The following RIN2 variants were observed in gnomAD, a reference collection of about 807,000 sequenced individuals.
RIN2 encodes Ras and Rab interactor 2, also known as RAB5 interacting protein 2.
In RIN2, 36 loss-of-function variants were observed where a neutral mutation model predicts 78.0. That is an observed-to-expected ratio of 0.46 (90% CI 0.35 to 0.61). The LOEUF is 0.61. Among genes scored for constraint, RIN2 ranks in the 20% least tolerant of loss-of-function variants. RIN2 has a pLI of 0.00. For missense variants in RIN2, 1,087 were observed against 1,159.7 expected (o/e 0.94, Z 0.91); for synonymous variants, 466 against 466.8 (o/e 1.00, Z 0.02).
At position 19,827,660 on chromosome 20, in the gene RIN2, G is replaced by A. The variant is rs118012647; in HGVS notation, c.-37+27913G>A. 9.0e-3 allele frequency among the ~76,000 whole-genome samples: 1,366 copies of A among 152,236 alleles called. 12 individuals carry two copies. The highest frequency in any genetic ancestry group is 0.048 in the Middle Eastern group (14 of 294). On this transcript the variant is annotated intron_variant, in intron 2 of 12. Coordinates refer to ENST00000255006, the MANE Select transcript of RIN2 (RefSeq NM_018993.4). ...AAATGCCTATAGAAGATCCAGGTACGCCCTTATGACCGCCAAATTGACTTC... is the reference window on the plus strand; with the variant it reads ...AAATGCCTATAGAAGATCCAGGTACACCCTTATGACCGCCAAATTGACTTC...
chr20:19,881,642 T>A (rs1206295686), intron 2 of RIN2, among the ~76,000 whole-genome samples: 3 of 152,122 alleles, frequency 2.0e-5, no homozygotes, highest in Non-Finnish European at 4.4e-5. Flanking sequence ...AGTGCTGCAA[T>A]CAGAGCTCAC....
chr20:19,789,579 G>A (rs1568753798), intron 1 of RIN2, among the ~76,000 whole-genome samples: 1 of 151,994 alleles, frequency 6.6e-6, no homozygotes, highest in Non-Finnish European at 1.5e-5. Flanking sequence ...TGGTATCTTG[G>A]GCATTTTACC....
intron 2 of RIN2, among the ~76,000 whole-genome samples, chr20:19,877,178 A>T (rs950633971): frequency 2.6e-5 from 4 of 152,106 alleles, no homozygotes; most frequent in African/African-American, 9.7e-5. Flanking sequence ...AAAGAGAGGG[A>T]TGCCTTGTTT....
At chr20:19,964,756 G>A (rs933593215) in intron 6 of RIN2, among the ~76,000 whole-genome samples, 196 bp from the exon 7 acceptor site, 2 of 152,194 alleles carry the variant, frequency 1.3e-5, no homozygotes, top group Admixed American at 6.5e-5. Context: ...TGAGTCAAGC[G>A]ATGAACTTCC....
intron 1 of RIN2, among the ~76,000 whole-genome samples, chr20:19,773,724 G>T (rs2034215415): frequency 6.6e-6 from 1 of 151,992 alleles, no homozygotes; most frequent in Non-Finnish European, 1.5e-5. Context: ...TTAATGAACG[G>T]CAGCTTCTCC....
chr20:19,786,926 C>G (rs999076700), intron 1 of RIN2, among the ~76,000 whole-genome samples: 1 of 152,106 alleles, frequency 6.6e-6, no homozygotes, highest in Non-Finnish European at 1.5e-5. Flanking sequence ...CTTTATGTAT[C>G]TATTGCTTTT....
rs781247819 is a variant in RIN2 at position 19,889,645 on chromosome 20, G to A, written c.44G>A (p.Gly15Glu). The A allele has an allele frequency of 5.3e-6, 8 of 1,522,190 alleles. No homozygotes were observed. In the African/African-American group the frequency reaches 1.1e-4, roughly 21 times the overall value. The allele number at this position is 1,522,190 out of a possible 1,614,324, so 94.3% of individuals were successfully genotyped here. A position where few individuals can be genotyped will look rare whatever the true frequency, so the allele number is the denominator to read the frequency against. The change falls in exon 3 of 13, where the codon GGA becomes GAA. Residue 15 changes from glycine to glutamate, a missense_variant. Coordinates refer to ENST00000255006, the MANE Select transcript of RIN2 (RefSeq NM_018993.4). ...TMGARGLDKR[G>E]SFFKLIDTIA... Reference sequence around the variant, plus strand: ...GGCGCCCGCGGTCTGGACAAGCGAGGAAGTTTCTTTAAGGTAAAAGGAAGC... The same window carrying A: ...GGCGCCCGCGGTCTGGACAAGCGAGAAAGTTTCTTTAAGGTAAAAGGAAGC...
At chr20:19,774,680 G>A (rs193121552) in intron 1 of RIN2, among the ~76,000 whole-genome samples, 1 of 152,324 alleles carries the variant, frequency 6.6e-6, no homozygotes, top group Admixed American at 6.5e-5. Flanking sequence ...CAGGGTACCC[G>A]CTTTGTACTT....
intron 2 of RIN2, among the ~76,000 whole-genome samples, chr20:19,839,817 CATTTGAAA>C (rs2036530355): frequency 6.6e-6 from 1 of 152,152 alleles, no homozygotes; most frequent in Non-Finnish European, 1.5e-5. Flanking sequence ...TCCAATGGGA[CATTTGAAA>C]TGTACAGTAC....
At position 19,857,916 on chromosome 20, in the gene RIN2, G is replaced by A. The variant is rs576742714; in HGVS notation, c.-36-31650G>A. ...AGGTTTGAATATTCTCTGTAGTGAA[G>A]GCTCCATTTAAGCCTTTTGTTCTTT... is the stretch of plus-strand genomic sequence containing the variant. On this transcript the variant is annotated intron_variant, in intron 2 of 12. Coordinates refer to ENST00000255006, the MANE Select transcript of RIN2 (RefSeq NM_018993.4). Among the ~76,000 whole-genome samples the A allele has an allele frequency of 5.9e-5, 9 of 152,262 alleles. No individual in the cohort carries two copies. In the East Asian group the frequency reaches 1.7e-3, roughly 29 times the overall value.
At chr20:19,784,413 G>C (rs2034607523) in intron 1 of RIN2, among the ~76,000 whole-genome samples, 1 of 149,354 alleles carries the variant, frequency 6.7e-6, no homozygotes, top group Non-Finnish European at 1.5e-5. Flanking sequence ...ACTAAGAAAT[G>C]CTTGTATTGT....
chr20:19,763,531 GTGAATGAATGAA>G (rs11468974), intron 1 of RIN2, among the ~76,000 whole-genome samples: 2 of 151,560 alleles, frequency 1.3e-5, no homozygotes, highest in Admixed American at 1.3e-4. Context: ...TAATGAATGA[GTGAATGAATGAA>G]TGAATGATTA....
At chr20:19,832,092 G>A (rs2036267034) in intron 2 of RIN2, among the ~76,000 whole-genome samples, 1 of 151,960 alleles carries the variant, frequency 6.6e-6, no homozygotes, top group South Asian at 2.1e-4. Context: ...GAATGTATCT[G>A]CAGATTTGCA....
intron 2 of RIN2, among the ~76,000 whole-genome samples, chr20:19,800,954 G>A (rs891106846): frequency 6.6e-6 from 1 of 152,184 alleles, no homozygotes; most frequent in African/African-American, 2.4e-5. Flanking sequence ...AGCTTGTGAG[G>A]TTCACCACTG....
chr20:19,963,293 G>T (rs946436485), intron 6 of RIN2, among the ~76,000 whole-genome samples: 4 of 152,064 alleles, frequency 2.6e-5, no homozygotes, highest in African/African-American at 9.7e-5. Flanking sequence ...TTTTGGGGGT[G>T]CTACAGAAAT....
At chr20:19,900,427 G>A (rs1417537216) in intron 3 of RIN2, among the ~76,000 whole-genome samples, 1 of 151,942 alleles carries the variant, frequency 6.6e-6, no homozygotes, top group Non-Finnish European at 1.5e-5. Flanking sequence ...AGGTTGCAGT[G>A]AGCTGAGATT....
At chr20:19,903,722 G>C (rs897202385) in intron 3 of RIN2, among the ~76,000 whole-genome samples, 5 of 152,186 alleles carry the variant, frequency 3.3e-5, no homozygotes, top group African/African-American at 4.8e-5. Flanking sequence ...CTGATGTTGA[G>C]AAATCCTGGT....
intron 3 of RIN2, among the ~76,000 whole-genome samples, chr20:19,910,834 C>A (rs1479184219): frequency 6.6e-6 from 1 of 152,140 alleles, no homozygotes; most frequent in Non-Finnish European, 1.5e-5. Context: ...TCCCAAAGTG[C>A]TGGGATTACA....
intron 3 of RIN2, among the ~76,000 whole-genome samples, chr20:19,914,221 C>T (rs944786737): frequency 6.6e-6 from 1 of 152,166 alleles, no homozygotes; most frequent in Non-Finnish European, 1.5e-5. Context: ...TATTGTCTGT[C>T]TCATTTTTTC....
Sources: gnomAD v4.1 joint callset for allele counts (sites outside exome capture counted in the v4.1 genomes callset) on GRCh38, gnomAD v4.1.1 for gene constraint, MANE v1.5 for transcripts, NCBI Gene and HGNC (gene_info 2026-07-23, HGNC 2026-07-21) for gene names.